USP8: variants seen among roughly 807,000 people sequenced by gnomAD.
USP8 encodes ubiquitin carboxyl-terminal hydrolase 8.
In USP8, 27 loss-of-function variants were observed where a neutral mutation model predicts 130.0. That is an observed-to-expected ratio of 0.21 (90% CI 0.15 to 0.29). The LOEUF is 0.29. Ranked by LOEUF, USP8 falls within the 10% of genes least tolerant of loss-of-function variation. The pLI, the probability that USP8 is intolerant of heterozygous loss-of-function variation, is 1.00. For synonymous variants in USP8, 392 were observed against 444.1 expected, an observed-to-expected ratio of 0.88 and a Z score of 1.48; for missense variants, 1,029 against 1,312.2, an observed-to-expected ratio of 0.78 and a Z score of 3.33.
intron 10 of USP8, 87 bp downstream of exon 10, chr15:50,477,586 TC>T: frequency 7.9e-7 from 1 of 1,261,110 alleles, no homozygotes; most frequent in Non-Finnish European, 1.1e-6. Flanking sequence ...ACGCCTGTAA[TC>T]CCAGCACTTT....
At chr15:50,445,555 A>AAAAAAAAAAAAAAAG (rs2050403807) in intron 3 of USP8, among the ~76,000 whole-genome samples, 2 of 124,850 alleles carry the variant, frequency 1.6e-5, no homozygotes, top group Non-Finnish European at 3.4e-5. Context: ...CAAAAAAAAA[A>AAAAAAAAAAAAAAAG]AAAAAAAAAA....
At chr15:50,484,430 T>A in intron 12 of USP8, 69 bp downstream of exon 12, 1 of 1,200,398 alleles carries the variant, frequency 8.3e-7, no homozygotes, top group Middle Eastern at 2.1e-4. Flanking sequence ...TGTGATTATC[T>A]TACCACACTG....
At chr15:50,495,547 C>G (rs982250510) in intron 16 of USP8, among the ~76,000 whole-genome samples, 1 of 151,960 alleles carries the variant, frequency 6.6e-6, no homozygotes, top group African/African-American at 2.4e-5. Context: ...AGCAGTCCTC[C>G]TGCCTTGGCT....
chr15:50,431,165 C>CTCTGTGTG (rs1555525411), intron 1 of USP8, among the ~76,000 whole-genome samples: 102 of 140,982 alleles, frequency 7.2e-4, no homozygotes, highest in African/African-American at 2.6e-3. Flanking sequence ...GTGTGTGCCT[C>CTCTGTGTG]TGTGTGTGTG....
intron 1 of USP8, among the ~76,000 whole-genome samples, chr15:50,429,931 G>A (rs1250235574): frequency 6.6e-6 from 1 of 152,254 alleles, no homozygotes; most frequent in Middle Eastern, 3.4e-3. Context: ...AGTTATAAAT[G>A]TAGATAGACA....
chr15:50,445,562 A>AAAAAAAAG (rs1176586161), intron 3 of USP8, among the ~76,000 whole-genome samples: 9 of 110,144 alleles, frequency 8.2e-5, no homozygotes, highest in Non-Finnish European at 1.1e-4. Flanking sequence ...AAAAAAAAAA[A>AAAAAAAAG]AAAAAAAGCC....
chr15:50,458,704 G>A (rs2050875913), intron 4 of USP8: 1 of 233,022 alleles, frequency 4.3e-6, no homozygotes, highest in South Asian at 8.4e-5. Flanking sequence ...CCTTTGAAAA[G>A]CAAATTGCAG....
chr15:50,478,387 A>T (rs904437568), intron 10 of USP8, among the ~76,000 whole-genome samples: 30 of 152,200 alleles, frequency 2.0e-4, no homozygotes, highest in Non-Finnish European at 4.4e-5. Context: ...TCCCAATAAC[A>T]TTTTTTAGCA....
At chr15:50,494,482 GTATTGCTGAGAAATT>G (rs751129799) in intron 16 of USP8, among the ~76,000 whole-genome samples, 5 of 152,226 alleles carry the variant, frequency 3.3e-5, no homozygotes, top group Non-Finnish European at 5.9e-5. Flanking sequence ...TTAACAAGCA[GTATTGCTGAGAAATT>G]TGCAAATGTT....
intron 12 of USP8, among the ~76,000 whole-genome samples, chr15:50,485,404 C>G (rs566058183): frequency 6.7e-6 from 1 of 149,194 alleles, no homozygotes; most frequent in African/African-American, 2.5e-5. Context: ...GAGTCGAGAT[C>G]GGGCCACTGC....
intron 7 of USP8, among the ~76,000 whole-genome samples, chr15:50,465,720 A>T (rs570412243): frequency 6.6e-6 from 1 of 152,198 alleles, no homozygotes; most frequent in African/African-American, 2.4e-5. Flanking sequence ...ACATACTGAA[A>T]TTCCCTATAT....
chr15:50,489,466 T>C (rs2052079493), intron 12 of USP8: 1 of 155,962 alleles, frequency 6.4e-6, no homozygotes, highest in African/African-American at 2.4e-5. Flanking sequence ...AGATGCAAAA[T>C]TAAAAAAAAA....
rs1411648510 is a variant in USP8 at position 50,508,497 on chromosome 15, G to T, written c.*9409G>T. ...CAGAGAAAGTGGGAGATAGACATTTGTAGTTTTAAATACTTATATCTTAAA... is the reference window on the plus strand; with the variant it reads ...CAGAGAAAGTGGGAGATAGACATTTTTAGTTTTAAATACTTATATCTTAAA... On this transcript the variant is annotated 3_prime_UTR_variant, in exon 20 of 20. Transcript: ENST00000307179. The T allele has an allele frequency of 2.6e-5, 4 of 152,128 alleles. No individual in the cohort carries two copies. The highest frequency in any genetic ancestry group is 5.9e-5 in the Non-Finnish European group (4 of 68,024). The allele number at this position is 152,128 out of a possible 1,614,324, so 9.4% of individuals were successfully genotyped here. A position where few individuals can be genotyped will look rare whatever the true frequency, so the allele number is the denominator to read the frequency against.
At chr15:50,469,497 A>AT (rs1278203471) in intron 7 of USP8, among the ~76,000 whole-genome samples, 4 of 151,782 alleles carry the variant, frequency 2.6e-5, no homozygotes, top group Admixed American at 6.6e-5. Flanking sequence ...ATCACATTTT[A>AT]TTTTTTTTCC....
At chr15:50,496,350 G>GGCA (rs2052403116) in intron 17 of USP8, among the ~76,000 whole-genome samples, 1 of 151,936 alleles carries the variant, frequency 6.6e-6, no homozygotes, top group African/African-American at 2.4e-5. Flanking sequence ...GCGTGGTGGT[G>GGCA]GGCACCTGTA....
In USP8 at chr15:50,482,042, A is replaced by C. The variant is rs151309054; in HGVS notation, c.1780A>C (p.Thr594Pro). The C allele has an allele frequency of 1.2e-5, 18 of 1,515,692 alleles. No individual in the cohort carries two copies. The highest frequency in any genetic ancestry group is 1.8e-4 in the Middle Eastern group (1 of 5,630). 93.9% of individuals were successfully genotyped at this position (1,515,692 alleles called of 1,614,324 possible). A position where few individuals can be genotyped will look rare whatever the true frequency, so the allele number is the denominator to read the frequency against. Residue 594 changes from threonine (T) to proline (P), a missense_variant, in exon 11 of 20, where the codon ACA (threonine) becomes CCA (proline). Thr to Pro is a conservative substitution (Grantham distance 38). This residue lies in a region of USP8 where 486 missense variants were observed against 522.0 expected (regional missense o/e 0.93). Transcript: ENST00000307179. The part of the protein sequence containing the change: ...STGDVPHTSV[T>P]GDSGSGKPFK... The stretch of plus-strand genomic sequence containing the variant: ...AGGAGATGTGCCCCATACATCTGTG[A>C]CAGGGGATTCAGGTTCAGGCAAGGT...
Position 50,433,730 on chromosome 15 carries a change from T to C in USP8, c.-65-5279T>C, listed in dbSNP as rs139774795. Among the ~76,000 whole-genome samples, 45 of 152,194 alleles carry C rather than the reference T, an allele frequency of 3.0e-4. 1 individual carries two copies. The highest frequency in any genetic ancestry group is 2.9e-3 in the East Asian group (15 of 5,156). On this transcript the variant is annotated intron_variant, in intron 1 of 19. Transcript: ENST00000307179. ...GTGCCATTCTCCTGCCTCAGCCTCCTGAGTAGCTGGGACTACAGGTGCCCG... is the reference window on the plus strand; with the variant it reads ...GTGCCATTCTCCTGCCTCAGCCTCCCGAGTAGCTGGGACTACAGGTGCCCG...
rs1033860333 is a variant in USP8, at chr15:50,441,239, G to A, written c.105-110G>A. ...GGCCGTGAACCAGTACCAATCTGTG[G>A]CCCTGGGGTTGGGGATCCCTGATAA... On this transcript the variant is annotated intron_variant, in intron 2 of 19. Coordinates refer to ENST00000307179, the MANE Select transcript of USP8 (RefSeq NM_005154.5). 4.7e-6 allele frequency: 5 copies of A among 1,060,874 alleles called. No individual in the cohort carries two copies. The African/African-American group carries it at 6.6e-5, about 14-fold the overall frequency. 65.7% of individuals were successfully genotyped at this position (1,060,874 alleles called of 1,614,324 possible).
chr15:50,441,230 C>G (rs2050249587), intron 2 of USP8, 119 bp from the exon 3 acceptor site: 7 of 973,574 alleles, frequency 7.2e-6, no homozygotes, highest in Non-Finnish European at 1.0e-5. Context: ...GAACCAGTAC[C>G]AATCTGTGGC....
Sources: gnomAD v4.1 joint callset for allele counts (sites outside exome capture counted in the v4.1 genomes callset) on GRCh38, gnomAD v4.1.1 for gene constraint, gnomAD v4.1.1 regional missense constraint, MANE v1.5 for transcripts, NCBI Gene and HGNC (gene_info 2026-07-23, HGNC 2026-07-21) for gene names.